The following ADAMTSL1 variants were observed in gnomAD, a reference collection of about 807,000 sequenced individuals.
The protein encoded by ADAMTSL1 is ADAMTS-like protein 1.
ADAMTSL1 carries 126 observed loss-of-function variants against 201.8 expected under a neutral mutation model. The observed-to-expected ratio is 0.62, with a 90% CI of 0.54 to 0.72. The LOEUF is 0.72. ADAMTSL1 is among the 30% of genes least tolerant of loss of function. The pLI is 0.00. For missense variants in ADAMTSL1, 2,679 were observed against 2,277.8 expected (o/e 1.18, Z -3.59); for synonymous variants, 1,121 against 903.4 (o/e 1.24, Z -4.32).
intron 2 of ADAMTSL1, among the ~76,000 whole-genome samples, chr9:18,306,352 T>A (rs1313545128): frequency 6.6e-6 from 1 of 152,088 alleles, no homozygotes; most frequent in Non-Finnish European, 1.5e-5. Context: ...GTTTGACGAA[T>A]TGACAGAAAT....
At chr9:18,278,338 A>G (rs1285253787) in intron 2 of ADAMTSL1, among the ~76,000 whole-genome samples, 1 of 152,190 alleles carries the variant, frequency 6.6e-6, no homozygotes, top group African/African-American at 2.4e-5. Flanking sequence ...CAGCAGGTCT[A>G]GAGGTAATGA....
At chr9:17,994,452 C>T (rs1011477362) in intron 1 of ADAMTSL1, among the ~76,000 whole-genome samples, 11 of 152,138 alleles carry the variant, frequency 7.2e-5, no homozygotes, top group Non-Finnish European at 7.3e-5. Flanking sequence ...AAGACATTTT[C>T]ATTGGGAATT....
chr9:18,151,062 A>T (rs1424738805), intron 1 of ADAMTSL1, among the ~76,000 whole-genome samples: 1 of 151,984 alleles, frequency 6.6e-6, no homozygotes, highest in Non-Finnish European at 1.5e-5. Flanking sequence ...CAGATTCTTG[A>T]TTCTGGAAAA....
At chr9:18,626,504 A>G (rs1826366949) in intron 5 of ADAMTSL1, among the ~76,000 whole-genome samples, 1 of 152,232 alleles carries the variant, frequency 6.6e-6, no homozygotes. Flanking sequence ...ATGAAGAACA[A>G]AGAAGCCAGT....
At chr9:18,628,720 T>C (rs1482547660) in intron 5 of ADAMTSL1, among the ~76,000 whole-genome samples, 1 of 152,198 alleles carries the variant, frequency 6.6e-6, no homozygotes, top group Non-Finnish European at 1.5e-5. Context: ...TATGAGAATT[T>C]TATGTCTCTG....
intron 23 of ADAMTSL1, among the ~76,000 whole-genome samples, chr9:18,846,674 C>T (rs1826138610): frequency 6.6e-6 from 1 of 152,002 alleles, no homozygotes; most frequent in African/African-American, 2.4e-5. Flanking sequence ...GGGGAAGAGG[C>T]TAGATAGAGT....
chr9:18,503,146 C>T (rs1207893253), intron 1 of ADAMTSL1, among the ~76,000 whole-genome samples: 1 of 151,774 alleles, frequency 6.6e-6, no homozygotes, highest in African/African-American at 2.4e-5. Context: ...TACCATCCAT[C>T]TCCAGAACTT....
At chr9:18,722,852 A>G (rs1271913745) in intron 15 of ADAMTSL1, among the ~76,000 whole-genome samples, 1 of 152,214 alleles carries the variant, frequency 6.6e-6, no homozygotes, top group Non-Finnish European at 1.5e-5. Context: ...GATAGAGTCA[A>G]AGTCAGGTCC....
chr9:18,331,428 C>T (rs1344788788), intron 2 of ADAMTSL1, among the ~76,000 whole-genome samples: 1 of 152,180 alleles, frequency 6.6e-6, no homozygotes, highest in Admixed American at 6.5e-5. Flanking sequence ...GTGCCTCCCT[C>T]CTGGATATAC....
At chr9:18,582,990 G>C (rs113897846) in intron 4 of ADAMTSL1, among the ~76,000 whole-genome samples, 21,487 of 152,216 alleles carry the variant, frequency 0.14, 1,916 homozygotes, top group Admixed American at 0.24. Context: ...TGCAATGATT[G>C]TGAGGCTGCC....
chr9:17,957,185 A>G lies in ADAMTSL1; in HGVS notation c.87+50263A>G, dbSNP rs116813692. 3.7e-3 allele frequency among the ~76,000 whole-genome samples: 562 copies of G among 152,310 alleles called. 4 individuals are homozygous for G. Among genetic ancestry groups the G allele is most frequent in the African/African-American group, 0.013 (523 of 41,568 alleles). On this transcript the variant is annotated intron_variant, in intron 1 of 29. Transcript: ENST00000680146. The stretch of plus-strand genomic sequence containing the variant: ...TATAAACTTATTTTAAAGATCAATA[A>G]AATGTTCTAAAAGAACTCACAAACC...
At chr9:18,207,338 C>T (rs1356485675) in intron 2 of ADAMTSL1, among the ~76,000 whole-genome samples, 6 of 152,068 alleles carry the variant, frequency 3.9e-5, no homozygotes, top group African/African-American at 7.2e-5. Flanking sequence ...TCAGACAGTA[C>T]GTCTTATAAT....
chr9:17,937,636 T>TCTC (rs372965640), intron 1 of ADAMTSL1, among the ~76,000 whole-genome samples: 1 of 151,260 alleles, frequency 6.6e-6, no homozygotes, highest in Non-Finnish European at 1.5e-5. Context: ...ATCTTGTTGA[T>TCTC]TTAAATTCCT....
intron 2 of ADAMTSL1, among the ~76,000 whole-genome samples, chr9:18,514,744 A>G (rs1818263642): frequency 6.6e-6 from 1 of 152,216 alleles, no homozygotes; most frequent in South Asian, 2.1e-4. Flanking sequence ...AAATAGAGAT[A>G]ATTTAACTTC....
chr9:18,017,673 T>A (rs1263797900), intron 1 of ADAMTSL1, among the ~76,000 whole-genome samples: 3 of 152,002 alleles, frequency 2.0e-5, no homozygotes, highest in African/African-American at 7.2e-5. Context: ...ATCTAATAGG[T>A]CACATGATTT....
At chr9:18,340,412 A>C (rs1835421614) in intron 2 of ADAMTSL1, among the ~76,000 whole-genome samples, 1 of 152,272 alleles carries the variant, frequency 6.6e-6, no homozygotes, top group African/African-American at 2.4e-5. Flanking sequence ...CCAACTCTTA[A>C]TATCTCCCAG....
intron 14 of ADAMTSL1, among the ~76,000 whole-genome samples, chr9:18,708,346 C>G (rs1026771288): frequency 2.0e-5 from 3 of 152,190 alleles, no homozygotes. Flanking sequence ...TTTGTTTCCA[C>G]ATCTTCCAGT....
At chr9:18,365,569 A>C (rs933368068) in intron 2 of ADAMTSL1, among the ~76,000 whole-genome samples, 7 of 152,216 alleles carry the variant, frequency 4.6e-5, no homozygotes, top group African/African-American at 1.4e-4. Context: ...TTCCACAGTA[A>C]TAAGCAAATA....
intron 23 of ADAMTSL1, among the ~76,000 whole-genome samples, chr9:18,838,996 AC>A (rs1008009408): frequency 6.8e-6 from 1 of 146,180 alleles, no homozygotes; most frequent in African/African-American, 2.5e-5. Context: ...CATTTGGCCC[AC>A]CCCCTCTTTT....
Sources: allele counts gnomAD v4.1 joint callset (sites outside exome capture counted in the v4.1 genomes callset), GRCh38; gene constraint gnomAD v4.1.1; transcripts MANE v1.5; gene names NCBI Gene and HGNC (gene_info 2026-07-23, HGNC 2026-07-21).